Variants in PCBP4 observed in about 807,000 individuals in gnomAD.
PCBP4 encodes poly(rC) binding protein 4, also known as poly(rC)-binding protein 4.
Under a neutral mutation model 46.2 loss-of-function variants are expected in PCBP4, and 24 were observed. The observed-to-expected ratio is 0.52, with a 90% confidence interval of 0.38 to 0.73. PCBP4 has a LOEUF of 0.73. Ranked by LOEUF, PCBP4 falls within the 30% of genes least tolerant of loss-of-function variation. The pLI, the probability that PCBP4 is intolerant of heterozygous loss-of-function variation, is 0.00. For missense variants in PCBP4, 407 were observed against 537.0 expected, an observed-to-expected ratio of 0.76 and a Z score of 2.39; for synonymous variants, 203 against 224.4, an observed-to-expected ratio of 0.90 and a Z score of 0.85.
rs143679967 is a variant in PCBP4 at position 51,961,229 on chromosome 3, C to G, written c.12G>C (p.Ser4=). The G allele has an allele frequency of 8.7e-6, 14 of 1,611,922 alleles. No homozygotes were observed. Among genetic ancestry groups the G allele is most frequent in the Admixed American group, 6.7e-5 (4 of 60,000 alleles). Residue 4 remains serine (S), a synonymous_variant, in exon 3 of 14, where the codon TCG becomes TCC. Transcript: ENST00000461554. MSG[S]DGGLEEEPEL... is the part of the protein sequence containing the mutation. ...CTGGCTCCTCCTCCAGTCCCCCGTC[C>G]GAGCCGCTCATTCTGTCAGGCGAGG...
rs779397794 is a variant in PCBP4 at position 51,959,062 on chromosome 3, G to T, written c.738C>A (p.Phe246Leu). ...CCCTGCTCACATCGTTGGGAACCAAGAACTCCTGTGAGCTGGTCTGTGTGC... is the reference window on the plus strand; with the variant it reads ...CCCTGCTCACATCGTTGGGAACCAATAACTCCTGTGAGCTGGTCTGTGTGC... Reference protein sequence around the residue: ...DPGTQTSSQEFLVPNDLIGCV... With the variant: ...DPGTQTSSQELLVPNDLIGCV... Residue 246 changes from phenylalanine (F) to leucine (L), a missense_variant, in exon 12 of 14, where the codon TTC (phenylalanine) becomes TTA (leucine). Physicochemically the swap from Phe to Leu is conservative, Grantham distance 22. Transcript: ENST00000461554. The surrounding 1 kb of genome is among the most constrained non-coding windows in gnomAD (Gnocchi z 5.6). 4 of 1,613,948 alleles carry T rather than the reference G, an allele frequency of 2.5e-6. No individual in the cohort carries two copies. In the East Asian group the frequency reaches 8.9e-5, roughly 36 times the overall value.
intron 2 of PCBP4, 83 bp from the exon 3 acceptor site, chr3:51,961,387 C>T: frequency 2.1e-6 from 3 of 1,398,356 alleles, no homozygotes; most frequent in Non-Finnish European, 2.8e-6. Flanking sequence ...CAGAGCTGGG[C>T]TAGTCAAACT....
rs200657999 is a variant in PCBP4 at position 51,960,019 on chromosome 3, G to A, written c.392C>T (p.Thr131Met). Residue 131 changes from threonine (T) to methionine (M), a missense_variant, in exon 8 of 14, where the codon ACG becomes ATG. Transcript: ENST00000461554. The surrounding 1 kb of genome is among the most constrained non-coding windows in gnomAD (Gnocchi z 5.0). ...CCCTGCCACCTGTACCTGGGCACCC[G>A]TAGTCTGCAAACAGAGAACAGGGGC... ...GTKIKEIRET[T>M]GAQVQVAGDL... is the part of the protein sequence containing the mutation. The A allele has an allele frequency of 5.0e-5, 81 of 1,614,212 alleles. 1 individual carries two copies. In the Admixed American group the frequency reaches 9.5e-4, roughly 19 times the overall value.
chr3:51,965,710 T>C (rs1700388255), intron 1 of PCBP4, among the ~76,000 whole-genome samples: 1 of 152,142 alleles, frequency 6.6e-6, no homozygotes, highest in Non-Finnish European at 1.5e-5. Flanking sequence ...GACCCAGACA[T>C]GAGGGCCAGC....
intron 1 of PCBP4, among the ~76,000 whole-genome samples, chr3:51,966,580 A>C (rs1700440515): frequency 6.6e-6 from 1 of 152,144 alleles, no homozygotes; most frequent in African/African-American, 2.4e-5. Context: ...GTTCAGCACG[A>C]ACATGAGCAT....
Position 51,959,035 on chromosome 3 carries a change from TC to T in PCBP4, c.753+11del. On this transcript the variant is annotated intron_variant, in intron 12 of 13. Transcript: ENST00000461554. This position sits in a 1 kb window ranked among gnomAD's most constrained non-coding sequence, Gnocchi z 5.6. Reference sequence around the variant, plus strand: ...CCCTACCCACCCTCCAGCCATCCCATCCCCTGCTCACATCGTTGGGAACCAA... The same window carrying T: ...CCCTACCCACCCTCCAGCCATCCCATCCCTGCTCACATCGTTGGGAACCAA... 1.2e-6 allele frequency: 2 copies of T among 1,612,484 alleles called. No individual in the cohort carries two copies. The highest frequency in any genetic ancestry group is 1.7e-6 in the Non-Finnish European group (2 of 1,178,988).
In PCBP4 at chr3:51,959,510, ATCCCC is replaced by A. The variant is rs2106733028; in HGVS notation, c.591+62_591+66del. On this transcript the variant is annotated intron_variant, in intron 9 of 13. Coordinates refer to ENST00000461554, the MANE Select transcript of PCBP4 (RefSeq NM_001174100.2). The surrounding 1 kb of genome is among the most constrained non-coding windows in gnomAD (Gnocchi z 5.6). ...CCCTGGACCTCCAATTCCTTCTTCCATCCCCTCCTCTATCTCAATCCCCCTTCTCC... is the reference window on the plus strand; with the variant it reads ...CCCTGGACCTCCAATTCCTTCTTCCATCCTCTATCTCAATCCCCCTTCTCC... 1.3e-6 allele frequency: 2 copies of A among 1,526,202 alleles called. No individual in the cohort carries two copies. The highest frequency in any genetic ancestry group is 4.9e-5 in the East Asian group (2 of 41,024). The allele number at this position is 1,526,202 out of a possible 1,614,324, so 94.5% of individuals were successfully genotyped here. A position where few individuals can be genotyped will look rare whatever the true frequency, so the allele number is the denominator to read the frequency against.
At chr3:51,964,813 C>T (rs762405254) in intron 1 of PCBP4, among the ~76,000 whole-genome samples, 5 of 152,226 alleles carry the variant, frequency 3.3e-5, no homozygotes, top group Non-Finnish European at 7.3e-5. Flanking sequence ...CCCAGCCTCC[C>T]GGGATAGCCA....
Position 51,961,003 on chromosome 3 carries a change from C to A in PCBP4, c.105+7G>T, listed in dbSNP as rs1700142779. ...GGGGGATGTACAGAGCAGAGCTAGG[C>A]ACCTACCTTCCCGATGATGCTGCCC... On this transcript the variant is annotated splice_region_variant and intron_variant, in intron 4 of 13. Transcript: ENST00000461554. 1.2e-6 allele frequency: 2 copies of A among 1,614,246 alleles called. No individual in the cohort carries two copies. Among genetic ancestry groups the A allele is most frequent in the Non-Finnish European group, 1.7e-6 (2 of 1,180,048 alleles).
At position 51,960,840 on chromosome 3, in the gene PCBP4, G is replaced by T; in HGVS notation, c.138+26C>A. On this transcript the variant is annotated intron_variant, in intron 5 of 13. Coordinates refer to ENST00000461554, the MANE Select transcript of PCBP4 (RefSeq NM_001174100.2). This position sits in a 1 kb window ranked among gnomAD's most constrained non-coding sequence, Gnocchi z 5.0. ...CTCCCCTCCACATCAGGTGCCCTGGGCTCCTCCCCCAAACTCCATCCTCAC... is the reference window on the plus strand; with the variant it reads ...CTCCCCTCCACATCAGGTGCCCTGGTCTCCTCCCCCAAACTCCATCCTCAC... The T allele has an allele frequency of 1.2e-6, 2 of 1,613,054 alleles. No individual in the cohort carries two copies. Among genetic ancestry groups the T allele is most frequent in the Non-Finnish European group, 1.7e-6 (2 of 1,179,014 alleles).
At position 51,960,792 on chromosome 3, in the gene PCBP4, C is replaced by G; in HGVS notation, c.138+74G>C. The G allele has an allele frequency of 1.9e-6, 3 of 1,560,686 alleles. 1 individual carries two copies. On this transcript the variant is annotated intron_variant, in intron 5 of 13. Coordinates refer to ENST00000461554, the MANE Select transcript of PCBP4 (RefSeq NM_001174100.2). This position sits in a 1 kb window ranked among gnomAD's most constrained non-coding sequence, Gnocchi z 5.0. ...ACTGGTCAGCCCAGAAGGAGTGGTT[C>G]AGAGAGAAAGTGGGGCAGGGATCTC...
Position 51,957,753 on chromosome 3 carries a change from G to A in PCBP4, c.*308C>T, listed in dbSNP as rs924739332. 4.3e-6 allele frequency: 1 copy of A among 230,138 alleles called. No homozygotes were observed. The highest frequency in any genetic ancestry group is 8.9e-5 in the East Asian group (1 of 11,196). 14.3% of individuals were successfully genotyped at this position (230,138 alleles called of 1,614,324 possible). A position where few individuals can be genotyped will look rare whatever the true frequency, so the allele number is the denominator to read the frequency against. On this transcript the variant is annotated 3_prime_UTR_variant, in exon 14 of 14. Transcript: ENST00000461554. ...CAGGAAGCCCTAAGGGATGGGGAGTGCGTGAGTGACACCCGCCATGGTGGG... is the reference window on the plus strand; with the variant it reads ...CAGGAAGCCCTAAGGGATGGGGAGTACGTGAGTGACACCCGCCATGGTGGG...
At position 51,966,007 on chromosome 3, in the gene PCBP4, C is replaced by A. The variant is rs546970886; in HGVS notation, c.-213+1319G>T. 5.3e-4 allele frequency among the ~76,000 whole-genome samples: 81 copies of A among 152,270 alleles called. 1 individual carries two copies. Among genetic ancestry groups the A allele is most frequent in the Middle Eastern group, 3.4e-3 (1 of 294 alleles). On this transcript the variant is annotated intron_variant, in intron 1 of 13. Transcript: ENST00000461554. ...TCTTACCAATCACAAGAGGGGCTCG[C>A]GGCCCAGAGAGGAAGGGAAATGTTT...
chr3:51,960,873 C>A lies in PCBP4; in HGVS notation c.131G>T (p.Arg44Leu), dbSNP rs756284993. The change falls in exon 5 of 14, where the codon CGG becomes CTG. Residue 44 changes from arginine (R) to leucine (L), a missense_variant. Arg to Leu is a moderately radical substitution (Grantham distance 102). Transcript: ENST00000461554. The surrounding 1 kb of genome is among the most constrained non-coding windows in gnomAD (Gnocchi z 5.0). ...GKKGETVKRI[R>L]EQSSARITIS... The stretch of plus-strand genomic sequence containing the variant: ...CCCAAACTCCATCCTCACCTGCTCC[C>A]GGATTCGCTTTACAGTCTCGCCCTT... The A allele has an allele frequency of 6.2e-7, 1 of 1,614,070 alleles. No homozygotes were observed. The highest frequency in any genetic ancestry group is 8.5e-7 in the Non-Finnish European group (1 of 1,180,020).
rs1332913668 is a variant in PCBP4 at position 51,967,425 on chromosome 3, G to C, written c.-312C>G. The C allele has an allele frequency of 6.6e-6, 1 of 150,772 alleles. No homozygotes were observed. Among genetic ancestry groups the C allele is most frequent in the Non-Finnish European group, 1.5e-5 (1 of 67,482 alleles). 9.3% of individuals were successfully genotyped at this position (150,772 alleles called of 1,614,324 possible). ...GAGAGGCGGCCGCTCACAACTGCGAGTGACATCAGCTGCGAACAATGAGGG... is the reference window on the plus strand; with the variant it reads ...GAGAGGCGGCCGCTCACAACTGCGACTGACATCAGCTGCGAACAATGAGGG... On this transcript the variant is annotated 5_prime_UTR_variant, in exon 1 of 14. Transcript: ENST00000461554.
chr3:51,962,273 T>A (rs1333521770), intron 1 of PCBP4, among the ~76,000 whole-genome samples, 185 bp from the exon 2 acceptor site: 1 of 152,162 alleles, frequency 6.6e-6, no homozygotes, highest in African/African-American at 2.4e-5. Context: ...TGCGGGAATG[T>A]CAAGGCCATT....
Position 51,958,762 on chromosome 3 carries a change from C to A in PCBP4, c.923+28G>T. On this transcript the variant is annotated intron_variant, in intron 13 of 13. Transcript: ENST00000461554. The surrounding 1 kb of genome is among the most constrained non-coding windows in gnomAD (Gnocchi z 5.4). ...GGGCACATGAGAACCGTGACCTGCT[C>A]CCCCACTGCCGCCCAGCCCGCGCTC... 6.3e-7 allele frequency: 1 copy of A among 1,597,570 alleles called. No individual in the cohort carries two copies. The highest frequency in any genetic ancestry group is 8.5e-7 in the Non-Finnish European group (1 of 1,170,448).
At chr3:51,961,392 C>CA in intron 2 of PCBP4, 88 bp from the exon 3 acceptor site, 1 of 1,387,146 alleles carries the variant, frequency 7.2e-7, no homozygotes. Flanking sequence ...CTGGGCTAGT[C>CA]AAACTCCCAG....
chr3:51,959,137 C>T lies in PCBP4; in HGVS notation c.701-38G>A. ...AGAGGGACTGAGTGTGGTTCTGGGC[C>T]TTTCCCGCCCCACCATTTCCACTCT... On this transcript the variant is annotated intron_variant, in intron 11 of 13. Transcript: ENST00000461554. This position sits in a 1 kb window ranked among gnomAD's most constrained non-coding sequence, Gnocchi z 5.6. 6.2e-7 allele frequency: 1 copy of T among 1,613,296 alleles called. No homozygotes were observed. Among genetic ancestry groups the T allele is most frequent in the Non-Finnish European group, 8.5e-7 (1 of 1,179,532 alleles).
Sources: allele counts gnomAD v4.1 joint callset (sites outside exome capture counted in the v4.1 genomes callset), GRCh38; gene constraint gnomAD v4.1.1; non-coding constraint Gnocchi (gnomAD v3.1); transcripts MANE v1.5; gene names NCBI Gene and HGNC (gene_info 2026-07-23, HGNC 2026-07-21).